Variants in LRRTM4 observed in about 807,000 individuals in gnomAD.
The protein encoded by LRRTM4 is leucine rich repeat transmembrane neuronal 4, also known as leucine-rich repeat transmembrane neuronal protein 4.
Under a neutral mutation model 47.6 loss-of-function variants are expected in LRRTM4, and 25 were observed. The ratio of observed to expected loss-of-function variants is 0.53; its 90% CI spans 0.38 to 0.73. The LOEUF is 0.73. Ranked by LOEUF, LRRTM4 falls within the 30% of genes least tolerant of loss-of-function variation. LRRTM4 has a pLI of 0.00. For synonymous variants in LRRTM4, 311 were observed against 269.5 expected (o/e 1.15, Z -1.51); for missense variants, 638 against 713.4 (o/e 0.89, Z 1.20).
At chr2:77,059,397 T>C (rs1679712520) in intron 3 of LRRTM4, among the ~76,000 whole-genome samples, 1 of 151,906 alleles carries the variant, frequency 6.6e-6, no homozygotes, top group Admixed American at 6.6e-5. Flanking sequence ...TTGGGTAGCT[T>C]CAGCACTTAG....
chr2:77,233,915 A>G (rs988617950), intron 3 of LRRTM4, among the ~76,000 whole-genome samples: 2 of 152,098 alleles, frequency 1.3e-5, no homozygotes, highest in African/African-American at 4.8e-5. Flanking sequence ...CTCCCACCTC[A>G]GCCTCCCGAG....
At chr2:77,277,811 C>A (rs566792364) in intron 3 of LRRTM4, among the ~76,000 whole-genome samples, 1 of 152,112 alleles carries the variant, frequency 6.6e-6, no homozygotes, top group African/African-American at 2.4e-5. Flanking sequence ...CATATTTACT[C>A]TAAAATGTCA....
At chr2:77,021,766 T>C (rs1678278871) in intron 3 of LRRTM4, among the ~76,000 whole-genome samples, 5 of 152,200 alleles carry the variant, frequency 3.3e-5, no homozygotes, top group Admixed American at 3.3e-4. Context: ...TGAAAGTGGT[T>C]ATTTAGCAAT....
chr2:77,252,817 T>A (rs1425863971), intron 3 of LRRTM4, among the ~76,000 whole-genome samples: 1 of 152,014 alleles, frequency 6.6e-6, no homozygotes, highest in Non-Finnish European at 1.5e-5. Flanking sequence ...ACAAGAGAAA[T>A]TTATTCTCTT....
chr2:76,926,702 G>C (rs1224556508), intron 3 of LRRTM4, among the ~76,000 whole-genome samples: 1 of 152,016 alleles, frequency 6.6e-6, no homozygotes, highest in Non-Finnish European at 1.5e-5. Context: ...CCCTCTCTTT[G>C]TCCTTCTGCC....
intron 3 of LRRTM4, among the ~76,000 whole-genome samples, chr2:77,026,628 C>T (rs576236115): frequency 6.6e-6 from 1 of 151,900 alleles, no homozygotes; most frequent in South Asian, 2.1e-4. Flanking sequence ...ATATGTAAAT[C>T]CTTCTATAAA....
intron 3 of LRRTM4, among the ~76,000 whole-genome samples, chr2:76,845,876 G>A (rs551817617): frequency 4.6e-5 from 7 of 152,160 alleles, no homozygotes; most frequent in Admixed American, 1.3e-4. Flanking sequence ...GGGGTGGTGG[G>A]AAAGCTCTGA....
At chr2:77,521,631 A>G in intron 2 of LRRTM4, 37 bp downstream of exon 2, 1 of 1,611,998 alleles carries the variant, frequency 6.2e-7, no homozygotes, top group Non-Finnish European at 8.5e-7. Flanking sequence ...CAAGAGGATC[A>G]GCTTTGCTCA....
At chr2:77,063,333 C>T (rs897198453) in intron 3 of LRRTM4, among the ~76,000 whole-genome samples, 1 of 152,084 alleles carries the variant, frequency 6.6e-6, no homozygotes, top group African/African-American at 2.4e-5. Context: ...GTAAGATCTC[C>T]AAAGACTTGT....
chr2:77,489,520 G>T (rs1678056084), intron 3 of LRRTM4, among the ~76,000 whole-genome samples: 1 of 152,080 alleles, frequency 6.6e-6, no homozygotes, highest in Admixed American at 6.5e-5. Flanking sequence ...GTTTCCTTTA[G>T]GAAACATATC....
intron 3 of LRRTM4, among the ~76,000 whole-genome samples, chr2:77,353,245 T>C (rs1671850279): frequency 6.6e-6 from 1 of 152,202 alleles, no homozygotes; most frequent in South Asian, 2.1e-4. Context: ...AGGCTTTCTT[T>C]CCCTTTTGAT....
At chr2:76,873,908 T>G (rs923178235) in intron 3 of LRRTM4, among the ~76,000 whole-genome samples, 2 of 151,906 alleles carry the variant, frequency 1.3e-5, no homozygotes, top group Admixed American at 1.3e-4. Context: ...CTCTGATTAT[T>G]TGAATCCCTT....
At chr2:77,468,120 G>A (rs982268072) in intron 3 of LRRTM4, among the ~76,000 whole-genome samples, 1 of 152,024 alleles carries the variant, frequency 6.6e-6, no homozygotes, top group East Asian at 1.9e-4. Flanking sequence ...ACGATGATGT[G>A]GTATTTGTTT....
chr2:76,783,076 G>A lies in LRRTM4; in HGVS notation c.1552-34160C>T, dbSNP rs553445339. On this transcript the variant is annotated intron_variant, in intron 3 of 3. Coordinates refer to ENST00000409884, the MANE Select transcript of LRRTM4 (RefSeq NM_001134745.3). ...ACATGCTTAGGTGCAGGAAGTTGCA[G>A]TACAAGAATATTCAGACAAGCATTA... 2.0e-5 allele frequency among the ~76,000 whole-genome samples: 3 copies of A among 152,092 alleles called. No homozygotes were observed. The South Asian group carries it at 6.2e-4, about 32-fold the overall frequency.
chr2:76,966,491 A>C (rs529672181), intron 3 of LRRTM4, among the ~76,000 whole-genome samples: 2 of 151,640 alleles, frequency 1.3e-5, no homozygotes, highest in African/African-American at 4.8e-5. Flanking sequence ...GAAAATTTCA[A>C]ACATGCATAA....
chr2:77,407,606 A>G (rs1226438657), intron 3 of LRRTM4, among the ~76,000 whole-genome samples: 1 of 140,470 alleles, frequency 7.1e-6, no homozygotes, highest in African/African-American at 2.7e-5. Flanking sequence ...TATACATAAT[A>G]TAATATATAA....
intron 3 of LRRTM4, among the ~76,000 whole-genome samples, chr2:77,313,264 G>C (rs1677512814): frequency 6.7e-6 from 1 of 149,000 alleles, no homozygotes; most frequent in Non-Finnish European, 1.5e-5. Flanking sequence ...TTTTTCCTGA[G>C]GCCTGTTGCT....
chr2:77,487,815 G>T (rs1034330060), intron 3 of LRRTM4, among the ~76,000 whole-genome samples: 1 of 152,080 alleles, frequency 6.6e-6, no homozygotes. Context: ...CCTCCCCTTT[G>T]AAGCCCGTCA....
intron 3 of LRRTM4, among the ~76,000 whole-genome samples, chr2:77,143,697 T>C (rs58350759): frequency 0.062 from 9,480 of 152,198 alleles, 693 homozygotes; most frequent in East Asian, 0.18. Flanking sequence ...AGAGCCTAGA[T>C]TGAGAGAAAC....
Sources: allele counts gnomAD v4.1 joint callset (sites outside exome capture counted in the v4.1 genomes callset), GRCh38; gene constraint gnomAD v4.1.1; transcripts MANE v1.5; gene names NCBI Gene and HGNC (gene_info 2026-07-23, HGNC 2026-07-21).